Variants in ITPRID1 observed in about 807,000 individuals in gnomAD.
ITPRID1 encodes protein ITPRID1.
In ITPRID1, 96 loss-of-function variants were observed where a neutral mutation model predicts 95.4. The observed-to-expected ratio is 1.01, with a 90% CI of 0.85 to 1.19. The LOEUF (loss-of-function observed/expected upper bound fraction) is 1.19. ITPRID1 is among the 50% of genes most tolerant of loss of function. The pLI, the probability that ITPRID1 is intolerant of heterozygous loss-of-function variation, is 0.00. For synonymous variants in ITPRID1, 510 were observed against 453.6 expected, an observed-to-expected ratio of 1.12 and a Z score of -1.58; for missense variants, 1,339 against 1,252.9, an observed-to-expected ratio of 1.07 and a Z score of -1.04.
intron 5 of ITPRID1, among the ~76,000 whole-genome samples, chr7:31,564,683 T>G (rs1236408479): frequency 2.0e-5 from 3 of 152,252 alleles, no homozygotes; most frequent in East Asian, 1.9e-4. Context: ...TGTGATGGCA[T>G]TCCCTAGGCG....
Position 31,577,917 on chromosome 7 carries a change from T to C in ITPRID1, c.653T>C (p.Leu218Pro). 2.5e-6 allele frequency: 4 copies of C among 1,613,578 alleles called. No homozygotes were observed. Among genetic ancestry groups the C allele is most frequent in the Non-Finnish European group, 2.5e-6 (3 of 1,179,692 alleles). ...CATGTGACCAATGCCTTCTCATCTC[T>C]GCTGAGTGATGTCAGCATCCTGCCA... ...LDHVTNAFSSLLSDVSILPNR... is the reference protein window; with the variant it reads ...LDHVTNAFSSPLSDVSILPNR... The change falls in exon 9 of 15, where the codon CTG becomes CCG. Residue 218 changes from leucine to proline, a missense_variant. By Grantham distance (98) the Leu-to-Pro change is moderately conservative. Transcript: ENST00000615280.
intron 10 of ITPRID1, among the ~76,000 whole-genome samples, chr7:31,631,887 G>A (rs186063795): frequency 5.9e-5 from 9 of 152,172 alleles, no homozygotes; most frequent in Middle Eastern, 3.4e-3. Context: ...GTCTTTCTTC[G>A]GTTTTAGGAT....
At chr7:31,595,371 C>CACAT (rs1237627127) in intron 10 of ITPRID1, among the ~76,000 whole-genome samples, 1 of 151,578 alleles carries the variant, frequency 6.6e-6, no homozygotes, top group Admixed American at 6.6e-5. Context: ...CACACACACA[C>CACAT]ACTGTATGAG....
chr7:31,538,776 A>G (rs2128132312), intron 1 of ITPRID1, among the ~76,000 whole-genome samples: 1 of 152,332 alleles, frequency 6.6e-6, no homozygotes, highest in East Asian at 1.9e-4. Flanking sequence ...GTGAATATTG[A>G]TCACTTGGTT....
chr7:31,626,939 A>T (rs1788520007), intron 10 of ITPRID1, among the ~76,000 whole-genome samples: 1 of 152,240 alleles, frequency 6.6e-6, no homozygotes, highest in African/African-American at 2.4e-5. Flanking sequence ...TAGAAAGTGG[A>T]TGGTCACCCA....
At chr7:31,623,245 C>T (rs1165331578) in intron 10 of ITPRID1, among the ~76,000 whole-genome samples, 3 of 152,162 alleles carry the variant, frequency 2.0e-5, no homozygotes, top group African/African-American at 7.2e-5. Context: ...TCCTCCCTAA[C>T]TCATTTTCTG....
chr7:31,644,025 A>T, intron 12 of ITPRID1, 72 bp downstream of exon 12: 1 of 1,391,656 alleles, frequency 7.2e-7, no homozygotes, highest in Non-Finnish European at 9.7e-7. Flanking sequence ...TAATATTCAG[A>T]CTTCCTTGCT....
At chr7:31,566,083 G>A (rs997588723) in intron 5 of ITPRID1, among the ~76,000 whole-genome samples, 1 of 152,170 alleles carries the variant, frequency 6.6e-6, no homozygotes, top group Non-Finnish European at 1.5e-5. Flanking sequence ...ACAGGACACA[G>A]GGCGTGGTCC....
chr7:31,536,702 A>T (rs1426759246), intron 1 of ITPRID1, among the ~76,000 whole-genome samples: 1 of 152,154 alleles, frequency 6.6e-6, no homozygotes, highest in East Asian at 1.9e-4. Flanking sequence ...ATTTGCTGTC[A>T]CTTTAGTTAG....
intron 10 of ITPRID1, among the ~76,000 whole-genome samples, chr7:31,607,939 C>A (rs753826380): frequency 1.3e-5 from 2 of 151,932 alleles, no homozygotes; most frequent in Non-Finnish European, 2.9e-5. Context: ...AATGTTTTCT[C>A]CCATAGCATC....
In ITPRID1 at chr7:31,578,205, A is replaced by T; in HGVS notation, c.941A>T (p.Glu314Val). 1.2e-6 allele frequency: 2 copies of T among 1,613,764 alleles called. No individual in the cohort carries two copies. The highest frequency in any genetic ancestry group is 1.7e-6 in the Non-Finnish European group (2 of 1,179,794). Residue 314 changes from glutamate to valine, a missense_variant, in exon 9 of 15, where the codon GAA becomes GTA. Glu to Val is a moderately radical substitution (Grantham distance 121, BLOSUM62 -2). Coordinates refer to ENST00000615280, the MANE Select transcript of ITPRID1 (RefSeq NM_001257967.3). ...HKQNHLSLSV[E>V]HQSLQACDDL... ...CAAAATCATTTGTCTCTGTCAGTAG[A>T]ACATCAGTCTCTCCAAGCCTGTGAT...
At chr7:31,622,481 AC>A (rs1384479643) in intron 10 of ITPRID1, among the ~76,000 whole-genome samples, 1 of 150,194 alleles carries the variant, frequency 6.7e-6, no homozygotes, top group African/African-American at 2.4e-5. Flanking sequence ...CTACATGGAA[AC>A]TGAACAACCT....
At chr7:31,650,226 G>A (rs1002872531) in intron 12 of ITPRID1, among the ~76,000 whole-genome samples, 2 of 152,030 alleles carry the variant, frequency 1.3e-5, no homozygotes, top group Admixed American at 6.6e-5. Context: ...TCTTAGAAAG[G>A]GCCTATGTCA....
Position 31,529,814 on chromosome 7 carries a change from C to T in ITPRID1, c.-98+15694C>T, listed in dbSNP as rs191095495. 36 of 1,535,068 alleles carry T rather than the reference C, an allele frequency of 2.3e-5. No individual in the cohort carries two copies. The Admixed American group carries it at 4.9e-4, about 21-fold the overall frequency. On this transcript the variant is annotated intron_variant, in intron 1 of 14. Transcript: ENST00000615280. ...CAAGACCATTTCTCTGCTGAAACTC[C>T]TTTATTCTGGTACAGTAACTCTTAT...
chr7:31,615,749 ATTCTT>A (rs1787145687), intron 10 of ITPRID1, among the ~76,000 whole-genome samples: 1 of 69,148 alleles, frequency 1.4e-5, no homozygotes, highest in South Asian at 7.5e-4. Context: ...TTTACTGAGA[ATTCTT>A]TTTTTTTTTT....
At chr7:31,550,824 AT>A (rs1784262975) in intron 2 of ITPRID1, among the ~76,000 whole-genome samples, 1 of 143,126 alleles carries the variant, frequency 7.0e-6, no homozygotes, top group Admixed American at 7.0e-5. Flanking sequence ...CAAGTATGCC[AT>A]TCATTATAAG....
chr7:31,580,358 A>G (rs1785354299), intron 9 of ITPRID1, among the ~76,000 whole-genome samples: 1 of 152,056 alleles, frequency 6.6e-6, no homozygotes, highest in Non-Finnish European at 1.5e-5. Context: ...CCGAACAAAA[A>G]GTTTCACCAA....
intron 10 of ITPRID1, among the ~76,000 whole-genome samples, chr7:31,620,815 C>A (rs1787799737): frequency 6.6e-6 from 1 of 152,010 alleles, no homozygotes; most frequent in Admixed American, 6.6e-5. Flanking sequence ...CTACAAGCTA[C>A]AGGAGGAAAT....
chr7:31,624,409 G>T (rs1394103027), intron 10 of ITPRID1, among the ~76,000 whole-genome samples: 3 of 139,570 alleles, frequency 2.1e-5, no homozygotes, highest in Admixed American at 7.5e-5. Flanking sequence ...GCATGGTACT[G>T]GTACCAAAAC....
Sources: gnomAD v4.1 joint callset for allele counts (sites outside exome capture counted in the v4.1 genomes callset) on GRCh38, gnomAD v4.1.1 for gene constraint, MANE v1.5 for transcripts, NCBI Gene and HGNC (gene_info 2026-07-23, HGNC 2026-07-21) for gene names.